Variants in ACAN observed in about 807,000 individuals in gnomAD.
ACAN encodes aggrecan core protein.
In ACAN, 47 loss-of-function variants were observed where a neutral mutation model predicts 169.1. The ratio of observed to expected loss-of-function variants is 0.28; its 90% CI spans 0.22 to 0.35. ACAN has a LOEUF of 0.35. Ranked by LOEUF, ACAN falls within the 10% of genes least tolerant of loss-of-function variation. The pLI, the probability that ACAN is intolerant of heterozygous loss-of-function variation, is 1.00. For missense variants in ACAN, 2,716 were observed against 2,759.9 expected (o/e 0.98, Z 0.36); for synonymous variants, 1,115 against 1,112.2 (o/e 1.00, Z -0.05).
chr15:88,867,539 C>T (rs2141629871), intron 13 of ACAN, among the ~76,000 whole-genome samples: 1 of 152,276 alleles, frequency 6.6e-6, no homozygotes, highest in African/African-American at 2.4e-5. Context: ...GGGTTTCCAT[C>T]CCTCTCCCGA....
chr15:88,828,422 T>A lies in ACAN; in HGVS notation c.-7-7778T>A, dbSNP rs1596123218. On this transcript the variant is annotated intron_variant, in intron 1 of 18. Coordinates refer to ENST00000560601, the MANE Select transcript of ACAN (RefSeq NM_001369268.1). Reference sequence around the variant, plus strand: ...TTCTCGCAGCTCCACTACCCGAGCCTTTTTTTTTGCTCCCCAGAGAGCCTC... The same window carrying A: ...TTCTCGCAGCTCCACTACCCGAGCCATTTTTTTTGCTCCCCAGAGAGCCTC... Among the ~76,000 whole-genome samples, 3 of 150,850 alleles carry A rather than the reference T, an allele frequency of 2.0e-5. No individual in the cohort carries two copies. In the South Asian group the frequency reaches 6.3e-4, roughly 32 times the overall value.
chr15:88,860,240 C>G lies in ACAN; in HGVS notation c.6833-86C>G, dbSNP rs1043605506. The G allele has an allele frequency of 9.4e-6, 9 of 959,830 alleles. No individual in the cohort carries two copies. In the African/African-American group the frequency reaches 1.3e-4, roughly 14 times the overall value. The allele number at this position is 959,830 out of a possible 1,614,324, so 59.5% of individuals were successfully genotyped here. A position where few individuals can be genotyped will look rare whatever the true frequency, so the allele number is the denominator to read the frequency against. On this transcript the variant is annotated intron_variant, in intron 12 of 18. Coordinates refer to ENST00000560601, the MANE Select transcript of ACAN (RefSeq NM_001369268.1). ...AGCCAGCCTCGTGGACTTCAGGAAC[C>G]TCATGCCCCAACTTTGAGGTCTTGG...
chr15:88,845,998 G>T, intron 7 of ACAN, 116 bp downstream of exon 7: 1 of 1,172,912 alleles, frequency 8.5e-7, no homozygotes, highest in Non-Finnish European at 1.1e-6. Flanking sequence ...GTGGGACAAT[G>T]TTCTCTCCTC....
At chr15:88,840,327 A>AC in intron 4 of ACAN, 141 bp downstream of exon 4, 1 of 1,065,458 alleles carries the variant, frequency 9.4e-7, no homozygotes, top group Non-Finnish European at 1.3e-6. Flanking sequence ...GGCCGTGGTC[A>AC]CACCTTGGCC....
In ACAN at chr15:88,857,663, C is replaced by A. The variant is rs372919059; in HGVS notation, c.5078C>A (p.Ser1693Tyr). 188 of 1,613,924 alleles carry A rather than the reference C, an allele frequency of 1.2e-4. No homozygotes were observed. Among genetic ancestry groups the A allele is most frequent in the Non-Finnish European group, 1.5e-4 (182 of 1,179,916 alleles). Residue 1693 changes from serine to tyrosine, a missense_variant, in exon 12 of 19, where the codon TCT becomes TAT. Ser to Tyr is a moderately radical substitution (Grantham distance 144, BLOSUM62 -2). Transcript: ENST00000560601. ...GGCATCAGTGGTGCAGGAGAAATAT[C>A]TGGACTGCCCTCCAGTGAGCTGGAC... ...TIGISGAGEI[S>Y]GLPSSELDIS...
At position 88,859,352 on chromosome 15, in the gene ACAN, C is replaced by G; in HGVS notation, c.6767C>G (p.Ser2256Cys). 6.3e-7 allele frequency: 1 copy of G among 1,597,966 alleles called. No individual in the cohort carries two copies. Reference sequence around the variant, plus strand: ...ACTCACACAGTCGAAACAGCCACCTCCCCAACAGATGCTTCCATCCCAGCT... The same window carrying G: ...ACTCACACAGTCGAAACAGCCACCTGCCCAACAGATGCTTCCATCCCAGCT... ...EETHTVETAT[S>C]PTDASIPASP... is the part of the protein sequence containing the mutation. Residue 2256 changes from serine (S) to cysteine (C), a missense_variant, in exon 12 of 19, where the codon TCC (serine) becomes TGC (cysteine). Physicochemically the swap from Ser to Cys is moderately radical, Grantham distance 112. Transcript: ENST00000560601.
In ACAN at chr15:88,838,795, C is replaced by A. The variant is rs773473572; in HGVS notation, c.203C>A (p.Pro68Gln). 18 of 1,613,930 alleles carry A rather than the reference C, an allele frequency of 1.1e-5. No individual in the cohort carries two copies. The highest frequency in any genetic ancestry group is 2.2e-5 in the South Asian group (2 of 91,088). The stretch of plus-strand genomic sequence containing the variant: ...GTGACCACCGCCCCTTCTACCGCCC[C>A]ACTGGCCCCAAGAATCAAGTGGAGC... Reference protein sequence around the residue: ...HPVTTAPSTAPLAPRIKWSRV... With the variant: ...HPVTTAPSTAQLAPRIKWSRV... Residue 68 changes from proline to glutamine, a missense_variant, in exon 3 of 19, where the codon CCA becomes CAA. Physicochemically the swap from Pro to Gln is moderately conservative, Grantham distance 76. This residue lies in a region of ACAN where 1,283 missense variants were observed against 1,281.5 expected (regional missense o/e 1.00). Coordinates refer to ENST00000560601, the MANE Select transcript of ACAN (RefSeq NM_001369268.1). This position sits in a 1 kb window ranked among gnomAD's most constrained non-coding sequence, Gnocchi z 5.1.
intron 1 of ACAN, among the ~76,000 whole-genome samples, chr15:88,835,334 A>G (rs1896474395): frequency 6.6e-6 from 1 of 152,178 alleles, no homozygotes; most frequent in Admixed American, 6.5e-5. Flanking sequence ...TGTGTTAGTC[A>G]GGGTTCTCCA....
At chr15:88,805,349 G>A (rs768376074) in intron 1 of ACAN, among the ~76,000 whole-genome samples, 31 of 152,170 alleles carry the variant, frequency 2.0e-4, no homozygotes, top group Non-Finnish European at 2.9e-4. Flanking sequence ...GCATTGAGCG[G>A]CAGTGGGGAG....
intron 1 of ACAN, among the ~76,000 whole-genome samples, chr15:88,830,796 G>T (rs1896340445): frequency 6.6e-6 from 1 of 152,146 alleles, no homozygotes; most frequent in Non-Finnish European, 1.5e-5. Context: ...CACTGGTGTA[G>T]GCTTTATAGA....
intron 13 of ACAN, among the ~76,000 whole-genome samples, chr15:88,865,945 A>G (rs1309505458): frequency 3.3e-5 from 5 of 151,978 alleles, no homozygotes; most frequent in Admixed American, 3.3e-4. Context: ...CTGCAAACAC[A>G]GGTTTTCTGA....
chr15:88,805,554 A>C (rs557558843), intron 1 of ACAN, among the ~76,000 whole-genome samples: 1 of 152,270 alleles, frequency 6.6e-6, no homozygotes, highest in South Asian at 2.1e-4. Context: ...ATTTTCATTC[A>C]TTCTCCAATA....
chr15:88,848,147 T>A (rs75871541), intron 9 of ACAN, 109 bp downstream of exon 9: 1 of 1,460,340 alleles, frequency 6.8e-7, no homozygotes, highest in African/African-American at 1.4e-5. Context: ...CACCCCTGAT[T>A]CCACCCAGCT....
Position 88,857,534 on chromosome 15 carries a change from G to A in ACAN, c.4949G>A (p.Ser1650Asn). The part of the protein sequence containing the change: ...SGPPSGLPDF[S>N]GLPSGFPTVS... ...CCACCCTCTGGCCTGCCTGACTTTAGTGGACTTCCATCTGGATTCCCAACT... is the reference window on the plus strand; with the variant it reads ...CCACCCTCTGGCCTGCCTGACTTTAATGGACTTCCATCTGGATTCCCAACT... Residue 1650 changes from serine to asparagine, a missense_variant, in exon 12 of 19, where the codon AGT (serine) becomes AAT (asparagine). Ser to Asn is a conservative substitution (Grantham distance 46). Around this residue, in one of 3 missense-constraint regions of ACAN, gnomAD observed 1,389 missense variants for 1,363.7 expected, o/e 1.02. Coordinates refer to ENST00000560601, the MANE Select transcript of ACAN (RefSeq NM_001369268.1). 1 of 1,613,948 alleles carries A rather than the reference G, an allele frequency of 6.2e-7. No homozygotes were observed.
At chr15:88,817,042 G>A (rs1596114885) in intron 1 of ACAN, among the ~76,000 whole-genome samples, 1 of 152,248 alleles carries the variant, frequency 6.6e-6, no homozygotes. Flanking sequence ...TGGTCACTGG[G>A]GAGCCCTTTG....
At position 88,866,119 on chromosome 15, in the gene ACAN, T is replaced by C. The variant is rs1470712924; in HGVS notation, c.6947-2097T>C. On this transcript the variant is annotated intron_variant, in intron 13 of 18. Transcript: ENST00000560601. This position sits in a 1 kb window ranked among gnomAD's most constrained non-coding sequence, Gnocchi z 5.6. The stretch of plus-strand genomic sequence containing the variant: ...AAGCAACGCTCCCCCTCACCCCAAC[T>C]TGGGCAGCCTGGGAGCAGGTTTTAT... Among the ~76,000 whole-genome samples, 1 of 152,110 alleles carries C rather than the reference T, an allele frequency of 6.6e-6. No homozygotes were observed. Among genetic ancestry groups the C allele is most frequent in the Non-Finnish European group, 1.5e-5 (1 of 68,020 alleles).
At position 88,874,444 on chromosome 15, in the gene ACAN, G is replaced by C. The variant is rs377398069; in HGVS notation, c.7670G>C (p.Arg2557Pro). 4.4e-6 allele frequency: 7 copies of C among 1,607,068 alleles called. No individual in the cohort carries two copies. Among genetic ancestry groups the C allele is most frequent in the Non-Finnish European group, 5.1e-6 (6 of 1,177,272 alleles). ...CGCAGACTACAGAAGCGGAGCTCACGGCACCCTCGGAGGAGCCGCCCCAGC... is the reference window on the plus strand; with the variant it reads ...CGCAGACTACAGAAGCGGAGCTCACCGCACCCTCGGAGGAGCCGCCCCAGC... ...YKRRLQKRSS[R>P]HPRRSRPSTA... The change falls in exon 19 of 19, where the codon CGG becomes CCG. Residue 2557 changes from arginine to proline, a missense_variant. Arg to Pro is a moderately radical substitution (Grantham distance 103). Around this residue, in one of 3 missense-constraint regions of ACAN, gnomAD observed 1,389 missense variants for 1,363.7 expected, o/e 1.02. Transcript: ENST00000560601. This position sits in a 1 kb window ranked among gnomAD's most constrained non-coding sequence, Gnocchi z 7.3.
At chr15:88,805,820 C>T (rs1230696552) in intron 1 of ACAN, among the ~76,000 whole-genome samples, 3 of 152,130 alleles carry the variant, frequency 2.0e-5, no homozygotes, top group African/African-American at 4.8e-5. Context: ...GTTTAATGTT[C>T]GGAAGCCCTC....
intron 1 of ACAN, among the ~76,000 whole-genome samples, chr15:88,832,078 C>G (rs796073530): frequency 6.6e-6 from 1 of 152,022 alleles, no homozygotes; most frequent in South Asian, 2.1e-4. Context: ...AGGAATGGGC[C>G]ACCTTGTGAT....
Sources: gnomAD v4.1 joint callset for allele counts (sites outside exome capture counted in the v4.1 genomes callset) on GRCh38, gnomAD v4.1.1 for gene constraint, gnomAD v4.1.1 regional missense constraint, Gnocchi (gnomAD v3.1) non-coding constraint, MANE v1.5 for transcripts, NCBI Gene and HGNC (gene_info 2026-07-23, HGNC 2026-07-21) for gene names.